TRIM5: variants seen among roughly 807,000 people sequenced by gnomAD.
The protein encoded by TRIM5 is tripartite motif containing 5.
TRIM5 carries 31 observed loss-of-function variants against 35.6 expected under a neutral mutation model. The ratio of observed to expected loss-of-function variants is 0.87; its 90% CI spans 0.65 to 1.18. The LOEUF is 1.18. TRIM5 is among the 50% of genes most tolerant of loss of function. TRIM5 has a pLI of 0.00. For synonymous variants in TRIM5, 243 were observed against 215.6 expected, an observed-to-expected ratio of 1.13 and a Z score of -1.11; for missense variants, 609 against 591.6, an observed-to-expected ratio of 1.03 and a Z score of -0.31.
the TRIM5 span, among the ~76,000 whole-genome samples, chr11:5,651,990 T>A: frequency 6.6e-6 from 1 of 152,120 alleles, no homozygotes; most frequent in African/African-American, 2.4e-5. Flanking sequence ...TTTAATGGGG[T>A]TGTTTGTTTT....
the TRIM5 span, chr11:5,590,749 C>A: frequency 6.6e-6 from 1 of 152,270 alleles, no homozygotes; most frequent in African/African-American, 2.4e-5. Context: ...AAGCTTTGTT[C>A]TTTTGCTCTT....
At chr11:5,601,888 C>T in the TRIM5 span, among the ~76,000 whole-genome samples, 1 of 152,074 alleles carries the variant, frequency 6.6e-6, no homozygotes, top group Non-Finnish European at 1.5e-5. Context: ...AGTGTTTTCA[C>T]AGTCTTAGAG....
chr11:5,603,707 T>G, the TRIM5 span: 2 of 1,613,340 alleles, frequency 1.2e-6, no homozygotes, highest in Non-Finnish European at 1.7e-6. Context: ...CACACGTTCC[T>G]CGTGGAGGAG....
the TRIM5 span, among the ~76,000 whole-genome samples, chr11:5,608,110 A>G: frequency 6.6e-6 from 1 of 152,244 alleles, no homozygotes; most frequent in Non-Finnish European, 1.5e-5. Flanking sequence ...TACATGCTAT[A>G]CATACATAAC....
chr11:5,674,744 A>C (rs1851817543), intron 4 of TRIM5, among the ~76,000 whole-genome samples: 1 of 152,262 alleles, frequency 6.6e-6, no homozygotes, highest in Non-Finnish European at 1.5e-5. Flanking sequence ...CATATGCAGA[A>C]GACTATCTCA....
At chr11:5,654,140 T>C in the TRIM5 span, among the ~76,000 whole-genome samples, 2,634 of 144,308 alleles carry the variant, frequency 0.018, 69 homozygotes, top group African/African-American at 0.064. Flanking sequence ...TTTTGAATAA[T>C]TTTTCAGGCA....
the TRIM5 span, among the ~76,000 whole-genome samples, chr11:5,618,832 T>C: frequency 2.4e-4 from 36 of 152,200 alleles, no homozygotes; most frequent in African/African-American, 7.9e-4. Context: ...TTATAAGACA[T>C]AAGGAGGACA....
At chr11:5,623,978 A>G in the TRIM5 span, among the ~76,000 whole-genome samples, 1 of 152,192 alleles carries the variant, frequency 6.6e-6, no homozygotes, top group Non-Finnish European at 1.5e-5. Context: ...TACAGCACAG[A>G]AAATGAATCT....
At chr11:5,630,696 A>G in the TRIM5 span, among the ~76,000 whole-genome samples, 1 of 152,190 alleles carries the variant, frequency 6.6e-6, no homozygotes, top group East Asian at 1.9e-4. Flanking sequence ...TATCTTGGAT[A>G]GTTCTCTATT....
At chr11:5,624,155 A>T in the TRIM5 span, among the ~76,000 whole-genome samples, 2 of 152,150 alleles carry the variant, frequency 1.3e-5, no homozygotes, top group Admixed American at 1.3e-4. Flanking sequence ...CAGGGCACAA[A>T]ACTCCTGATT....
At chr11:5,674,319 C>G (rs896164718) in intron 4 of TRIM5, among the ~76,000 whole-genome samples, 18 of 152,204 alleles carry the variant, frequency 1.2e-4, no homozygotes, top group African/African-American at 4.3e-4. Context: ...AGAACTAAAA[C>G]ACCTCACCAG....
the TRIM5 span, chr11:5,603,689 G>A: frequency 2.2e-5 from 36 of 1,613,318 alleles, no homozygotes; most frequent in East Asian, 4.5e-5. Flanking sequence ...CAGGAGCACC[G>A]TGGTCACCAC....
At chr11:5,624,799 C>T in the TRIM5 span, 1 of 152,234 alleles carries the variant, frequency 6.6e-6, no homozygotes, top group Non-Finnish European at 1.5e-5. Context: ...ATTCTGCCCT[C>T]GAGAATCACT....
the TRIM5 span, among the ~76,000 whole-genome samples, chr11:5,594,053 T>C: frequency 1.1e-4 from 17 of 152,362 alleles, no homozygotes; most frequent in Admixed American, 8.5e-4. Context: ...TGTGTACAAA[T>C]CTTTGCACGG....
the TRIM5 span, among the ~76,000 whole-genome samples, chr11:5,592,919 AAAAAAAAAAAAG>A: frequency 0.014 from 1,988 of 137,674 alleles, 54 homozygotes; most frequent in African/African-American, 0.048. Context: ...TGTCTCAAAA[AAAAAAAAAAAAG>A]AAAAAAGAAA....
At position 5,680,056 on chromosome 11, in the gene TRIM5, G is replaced by T. The variant is rs1852312682; in HGVS notation, c.122C>A (p.Ala41Glu). The T allele has an allele frequency of 6.2e-7, 1 of 1,614,148 alleles. No homozygotes were observed. The highest frequency in any genetic ancestry group is 2.2e-5 in the East Asian group (1 of 44,874). The change falls in exon 2 of 8, where the codon GCA (alanine) becomes GAA (glutamate). Residue 41 changes from alanine to glutamate, a missense_variant. Coordinates refer to ENST00000380034, the MANE Select transcript of TRIM5 (RefSeq NM_033034.3). ...GTCTAGCATGGACTTCTTGTGGTTTGCAGTGAGGCATGCTTGGCAGAAGCT... is the reference window on the plus strand; with the variant it reads ...GTCTAGCATGGACTTCTTGTGGTTTTCAGTGAGGCATGCTTGGCAGAAGCT... ...GHSFCQACLT[A>E]NHKKSMLDKG...
At chr11:5,615,999 T>A in the TRIM5 span, among the ~76,000 whole-genome samples, 4 of 147,540 alleles carry the variant, frequency 2.7e-5, no homozygotes, top group African/African-American at 1.0e-4. Context: ...ATGGCGCAGT[T>A]GAGTGACGTG....
the TRIM5 span, among the ~76,000 whole-genome samples, chr11:5,657,849 C>T: frequency 2.7e-5 from 4 of 150,740 alleles, no homozygotes; most frequent in Non-Finnish European, 5.9e-5. Flanking sequence ...CTCCTGACCT[C>T]AAGTGATCTG....
At chr11:5,598,903 A>G in the TRIM5 span, among the ~76,000 whole-genome samples, 1 of 152,160 alleles carries the variant, frequency 6.6e-6, no homozygotes, top group Non-Finnish European at 1.5e-5. Flanking sequence ...ATCATGATAC[A>G]TAAAGGGCAT....
Sources: gnomAD v4.1 joint callset for allele counts (sites outside exome capture counted in the v4.1 genomes callset) on GRCh38, gnomAD v4.1.1 for gene constraint, MANE v1.5 for transcripts, NCBI Gene and HGNC (gene_info 2026-07-23, HGNC 2026-07-21) for gene names.